The following FGGY variants were observed in gnomAD, a reference collection of about 807,000 sequenced individuals.
The protein encoded by FGGY is FGGY carbohydrate kinase domain containing.
Under a neutral mutation model 71.3 loss-of-function variants are expected in FGGY, and 72 were observed. The ratio of observed to expected loss-of-function variants is 1.01; its 90% CI spans 0.84 to 1.23. The LOEUF (loss-of-function observed/expected upper bound fraction) is 1.23. Ranked by LOEUF, FGGY falls within the 50% of genes most tolerant of loss-of-function variation. The pLI is 0.00. For synonymous variants in FGGY, 251 were observed against 250.3 expected (o/e 1.00, Z -0.02); for missense variants, 668 against 682.3 (o/e 0.98, Z 0.23).
intron 5 of FGGY, among the ~76,000 whole-genome samples, chr1:59,390,895 T>C (rs933471268): frequency 4.6e-5 from 7 of 152,216 alleles, no homozygotes; most frequent in African/African-American, 1.4e-4. Flanking sequence ...ATTAATACAT[T>C]CATTCATTCA....
intron 4 of FGGY, among the ~76,000 whole-genome samples, chr1:59,364,172 G>A (rs2056153783): frequency 6.6e-6 from 1 of 152,178 alleles, no homozygotes; most frequent in Non-Finnish European, 1.5e-5. Context: ...AACATTTGAT[G>A]GAGCACTCTC....
chr1:59,477,891 G>A (rs958590312), intron 6 of FGGY, among the ~76,000 whole-genome samples: 2 of 152,148 alleles, frequency 1.3e-5, no homozygotes, highest in African/African-American at 4.8e-5. Context: ...TATGGATATT[G>A]TATGTAGAGA....
intron 6 of FGGY, among the ~76,000 whole-genome samples, chr1:59,461,455 T>A (rs1371751971): frequency 6.6e-6 from 1 of 152,200 alleles, no homozygotes; most frequent in Non-Finnish European, 1.5e-5. Flanking sequence ...TTGGTGTACC[T>A]GAAAGTGACG....
At chr1:59,689,361 C>CTGG (rs2154000475) in intron 14 of FGGY, among the ~76,000 whole-genome samples, 1 of 152,220 alleles carries the variant, frequency 6.6e-6, no homozygotes, top group African/African-American at 2.4e-5. Flanking sequence ...ACGTTAACTC[C>CTGG]TGGGAAGGGT....
intron 5 of FGGY, among the ~76,000 whole-genome samples, chr1:59,399,052 T>G (rs835417): frequency 0.054 from 8,151 of 152,236 alleles, 700 homozygotes; most frequent in African/African-American, 0.19. Context: ...TGGTCAAGTT[T>G]CCAATAGAGA....
chr1:59,474,781 T>A (rs942763357), intron 6 of FGGY, among the ~76,000 whole-genome samples: 1 of 152,214 alleles, frequency 6.6e-6, no homozygotes. Flanking sequence ...AAGTTCACAG[T>A]TGCCTATGGT....
intron 6 of FGGY, among the ~76,000 whole-genome samples, chr1:59,458,878 A>T (rs61454599): frequency 0.02 from 3,018 of 152,256 alleles, 110 homozygotes; most frequent in African/African-American, 0.07. Context: ...CTCAGTTGTG[A>T]CTTTCAGAAA....
At chr1:59,653,266 T>A (rs2097183648) in intron 11 of FGGY, among the ~76,000 whole-genome samples, 1 of 152,260 alleles carries the variant, frequency 6.6e-6, no homozygotes, top group Non-Finnish European at 1.5e-5. Flanking sequence ...CTCCTTGAGC[T>A]GTGGTGGACT....
chr1:59,438,356 C>T (rs2068977729), intron 5 of FGGY, among the ~76,000 whole-genome samples: 1 of 152,190 alleles, frequency 6.6e-6, no homozygotes, highest in African/African-American at 2.4e-5. Context: ...TGGGAACTTA[C>T]TCACTTCCTT....
chr1:59,348,228 G>A (rs1427203437), intron 4 of FGGY, among the ~76,000 whole-genome samples: 2 of 152,182 alleles, frequency 1.3e-5, no homozygotes, highest in African/African-American at 4.8e-5. Flanking sequence ...GAAAGCAGCC[G>A]AGGTGGGATT....
At chr1:59,705,380 A>T (rs2097749544) in intron 14 of FGGY, among the ~76,000 whole-genome samples, 1 of 152,168 alleles carries the variant, frequency 6.6e-6, no homozygotes, top group Non-Finnish European at 1.5e-5. Flanking sequence ...TATGTGCCCA[A>T]GAGTAAACTT....
chr1:59,676,909 C>T (rs752213293), intron 14 of FGGY, among the ~76,000 whole-genome samples: 6 of 152,064 alleles, frequency 3.9e-5, no homozygotes, highest in Non-Finnish European at 7.4e-5. Flanking sequence ...TGTCCTCAGA[C>T]GATGTCACTT....
At chr1:59,594,555 C>A (rs1051209201) in intron 8 of FGGY, among the ~76,000 whole-genome samples, 1 of 152,140 alleles carries the variant, frequency 6.6e-6, no homozygotes, top group Non-Finnish European at 1.5e-5. Flanking sequence ...GAATCAGTTC[C>A]ACTAGCCCCC....
chr1:59,409,165 A>T (rs562544728), intron 5 of FGGY, among the ~76,000 whole-genome samples: 2 of 152,176 alleles, frequency 1.3e-5, no homozygotes, highest in African/African-American at 2.4e-5. Context: ...TAGAATTATG[A>T]TTTTTTTCTT....
intron 5 of FGGY, among the ~76,000 whole-genome samples, chr1:59,383,402 G>T (rs1165816362): frequency 6.6e-6 from 1 of 152,068 alleles, no homozygotes; most frequent in African/African-American, 2.4e-5. Flanking sequence ...TGAATTTTTT[G>T]AATTTAAAAG....
At chr1:59,607,771 T>C (rs778790229) in intron 8 of FGGY, 32 bp from the exon 9 acceptor site, 1 of 1,554,448 alleles carries the variant, frequency 6.4e-7, no homozygotes, top group Non-Finnish European at 8.9e-7. Flanking sequence ...TGAGAGTCAA[T>C]GTTTTCACAT....
intron 14 of FGGY, among the ~76,000 whole-genome samples, chr1:59,752,147 CA>C (rs1224605487): frequency 1.3e-5 from 2 of 151,992 alleles, no homozygotes; most frequent in African/African-American, 4.8e-5. Context: ...TTCTTAAGAC[CA>C]AAAAAAGTCA....
At chr1:59,382,344 T>C (rs921949124) in intron 5 of FGGY, among the ~76,000 whole-genome samples, 3 of 152,174 alleles carry the variant, frequency 2.0e-5, no homozygotes, top group Non-Finnish European at 2.9e-5. Context: ...AGCATGTCAT[T>C]CTTAATGTCA....
intron 5 of FGGY, among the ~76,000 whole-genome samples, chr1:59,432,128 G>C (rs969244697): frequency 6.6e-6 from 1 of 152,148 alleles, no homozygotes; most frequent in African/African-American, 2.4e-5. Flanking sequence ...AAAAATCCCT[G>C]AAAGATGGGG....
Sources: allele counts gnomAD v4.1 joint callset (sites outside exome capture counted in the v4.1 genomes callset), GRCh38; gene constraint gnomAD v4.1.1; transcripts MANE v1.5; gene names NCBI Gene and HGNC (gene_info 2026-07-23, HGNC 2026-07-21).